The following SGCZ variants were observed in gnomAD, a reference collection of about 807,000 sequenced individuals.
The protein encoded by SGCZ is sarcoglycan zeta, also known as zeta-sarcoglycan.
SGCZ carries 40 observed loss-of-function variants against 41.3 expected under a neutral mutation model. The observed-to-expected ratio is 0.97, with a 90% CI of 0.75 to 1.26. SGCZ has a LOEUF of 1.26. Ranked by LOEUF, SGCZ falls within the 50% of genes most tolerant of loss-of-function variation. The pLI, the probability that SGCZ is intolerant of heterozygous loss-of-function variation, is 0.00. For synonymous variants in SGCZ, 206 were observed against 137.5 expected (o/e 1.50, Z -3.49); for missense variants, 552 against 369.8 (o/e 1.49, Z -4.04).
intron 1 of SGCZ, among the ~76,000 whole-genome samples, chr8:14,791,764 G>A (rs952611462): frequency 2.0e-5 from 3 of 152,272 alleles, no homozygotes; most frequent in East Asian, 3.9e-4. Context: ...CATGAAGCAA[G>A]AGCTATAGGT....
At chr8:15,180,886 CAA>C (rs879712471) in intron 1 of SGCZ, among the ~76,000 whole-genome samples, 5 of 125,964 alleles carry the variant, frequency 4.0e-5, no homozygotes, top group Non-Finnish European at 5.1e-5. Context: ...GACTCCATCT[CAA>C]AAAAAAAAAA....
chr8:15,081,119 A>G (rs1000166093), intron 1 of SGCZ, among the ~76,000 whole-genome samples: 1 of 152,136 alleles, frequency 6.6e-6, no homozygotes, highest in Non-Finnish European at 1.5e-5. Context: ...TTGTATGGCA[A>G]CCCTAGCAAA....
At chr8:14,917,201 C>G (rs1799462161) in intron 1 of SGCZ, among the ~76,000 whole-genome samples, 1 of 152,062 alleles carries the variant, frequency 6.6e-6, no homozygotes, top group Non-Finnish European at 1.5e-5. Flanking sequence ...GAAAAGGAGG[C>G]TCACCACAAT....
At chr8:14,401,373 G>C (rs1377706994) in intron 2 of SGCZ, among the ~76,000 whole-genome samples, 2 of 150,578 alleles carry the variant, frequency 1.3e-5, no homozygotes, top group African/African-American at 4.9e-5. Flanking sequence ...TGCCATGCTG[G>C]TGTGCTACAC....
At chr8:14,397,211 A>C (rs1196390081) in intron 2 of SGCZ, among the ~76,000 whole-genome samples, 1 of 152,134 alleles carries the variant, frequency 6.6e-6, no homozygotes, top group East Asian at 1.9e-4. Context: ...CTCTATTGAG[A>C]TACATTAGAA....
chr8:14,333,106 A>G (rs12545605), intron 2 of SGCZ, among the ~76,000 whole-genome samples: 30,587 of 152,010 alleles, frequency 0.2, 3,834 homozygotes, highest in Non-Finnish European at 0.29. Context: ...ATCAACTGGT[A>G]TAGCTCAGTC....
intron 4 of SGCZ, among the ~76,000 whole-genome samples, chr8:14,183,232 C>T (rs1403999029): frequency 6.6e-6 from 1 of 151,380 alleles, no homozygotes; most frequent in Non-Finnish European, 1.5e-5. Flanking sequence ...AAATAGAAAA[C>T]CTGGATACTC....
chr8:14,841,254 T>A (rs188889136), intron 1 of SGCZ, among the ~76,000 whole-genome samples: 23 of 152,256 alleles, frequency 1.5e-4, no homozygotes, highest in Admixed American at 4.6e-4. Flanking sequence ...GCAATCCACC[T>A]GGTCCTTCTC....
intron 1 of SGCZ, among the ~76,000 whole-genome samples, chr8:14,836,521 CGGGGTCT>C (rs1468868256): frequency 1.4e-4 from 21 of 152,120 alleles, no homozygotes; most frequent in Non-Finnish European, 2.9e-4. Flanking sequence ...TGTTTTGAGA[CGGGGTCT>C]CACTCTGTTG....
At chr8:15,198,839 T>A (rs1800812676) in intron 1 of SGCZ, among the ~76,000 whole-genome samples, 1 of 152,196 alleles carries the variant, frequency 6.6e-6, no homozygotes, top group Non-Finnish European at 1.5e-5. Flanking sequence ...ATGACTTATT[T>A]TTTACCTTCC....
chr8:14,308,655 T>C (rs1801423612), intron 3 of SGCZ, among the ~76,000 whole-genome samples: 1 of 152,058 alleles, frequency 6.6e-6, no homozygotes, highest in Non-Finnish European at 1.5e-5. Context: ...AATAAAAATA[T>C]TCTAATTTAT....
At chr8:15,072,600 A>C (rs955412345) in intron 1 of SGCZ, among the ~76,000 whole-genome samples, 4 of 152,192 alleles carry the variant, frequency 2.6e-5, no homozygotes, top group African/African-American at 9.7e-5. Flanking sequence ...GATATAGAAC[A>C]TTAAATTTGG....
chr8:14,554,695 C>A (rs1288356659), intron 2 of SGCZ, 37 bp downstream of exon 2: 6 of 1,543,810 alleles, frequency 3.9e-6, no homozygotes, highest in South Asian at 1.2e-5. Flanking sequence ...GTCTCTGAAC[C>A]AAGAGCAATA....
intron 1 of SGCZ, among the ~76,000 whole-genome samples, chr8:15,136,397 A>G (rs1185768584): frequency 6.6e-6 from 1 of 151,754 alleles, no homozygotes; most frequent in Non-Finnish European, 1.5e-5. Context: ...ATACTTGATA[A>G]GAGGCATGAG....
chr8:14,897,046 T>G (rs981105579), intron 1 of SGCZ, among the ~76,000 whole-genome samples: 1 of 152,112 alleles, frequency 6.6e-6, no homozygotes, highest in African/African-American at 2.4e-5. Context: ...CCTCCCAAAG[T>G]GATGGGATTA....
chr8:14,768,557 C>T (rs1050627154), intron 1 of SGCZ, among the ~76,000 whole-genome samples: 10 of 152,186 alleles, frequency 6.6e-5, no homozygotes, highest in African/African-American at 2.4e-4. Context: ...GTAATAATAA[C>T]TGAAAGTTAA....
intron 2 of SGCZ, among the ~76,000 whole-genome samples, chr8:14,399,721 T>G (rs1799020184): frequency 6.6e-6 from 1 of 152,148 alleles, no homozygotes. Flanking sequence ...GCTTTGAGCC[T>G]AATCAATATT....
chr8:14,800,292 G>T (rs1801280871), intron 1 of SGCZ, among the ~76,000 whole-genome samples: 2 of 152,122 alleles, frequency 1.3e-5, no homozygotes, highest in African/African-American at 4.8e-5. Context: ...ACTCTAGTGG[G>T]TGTGTCTAAA....
intron 1 of SGCZ, among the ~76,000 whole-genome samples, chr8:15,200,911 T>C (rs1003464080): frequency 5.9e-5 from 9 of 152,244 alleles, no homozygotes; most frequent in Non-Finnish European, 1.0e-4. Context: ...AATTGAAATG[T>C]ACATTCTGTT....
Sources: allele counts gnomAD v4.1 joint callset (sites outside exome capture counted in the v4.1 genomes callset), GRCh38; gene constraint gnomAD v4.1.1; transcripts MANE v1.5; gene names NCBI Gene and HGNC (gene_info 2026-07-23, HGNC 2026-07-21).